Variants in OVCH1 observed in about 807,000 individuals in gnomAD.
The protein encoded by OVCH1 is ovochymase 1.
Under a neutral mutation model 138.4 loss-of-function variants are expected in OVCH1, and 139 were observed. The ratio of observed to expected loss-of-function variants is 1.00; its 90% CI spans 0.87 to 1.16. The LOEUF (loss-of-function observed/expected upper bound fraction) is 1.16, where lower values mean the gene tolerates loss of function less well. Ranked by LOEUF, OVCH1 falls within the 50% of genes most tolerant of loss-of-function variation. The probability of loss-of-function intolerance (pLI) is 0.00; values close to 1 mark genes in which losing one functional copy is unlikely to be tolerated. For missense variants in OVCH1, 1,367 were observed against 1,357.9 expected, an observed-to-expected ratio of 1.01 and a Z score of -0.11; for synonymous variants, 453 against 467.8, an observed-to-expected ratio of 0.97 and a Z score of 0.41.
chr12:29,495,230 A>G, intron 4 of OVCH1, 55 bp downstream of exon 4: 1 of 1,475,094 alleles, frequency 6.8e-7, no homozygotes, highest in African/African-American at 1.4e-5. Context: ...TAACTTGTAC[A>G]TAATTAGCAG....
intron 25 of OVCH1, among the ~76,000 whole-genome samples, chr12:29,441,681 G>C (rs1941488881): frequency 6.6e-6 from 1 of 152,218 alleles, no homozygotes; most frequent in African/African-American, 2.4e-5. Context: ...AGATTGAACA[G>C]GCAACCTACA....
chr12:29,436,760 C>T (rs536619468), intron 26 of OVCH1, among the ~76,000 whole-genome samples: 5 of 152,258 alleles, frequency 3.3e-5, no homozygotes, highest in African/African-American at 9.6e-5. Flanking sequence ...TTTGTTCCTC[C>T]GGGTGGGTTT....
chr12:29,479,827 T>TC (rs1283799033), intron 8 of OVCH1, among the ~76,000 whole-genome samples: 2 of 139,214 alleles, frequency 1.4e-5, no homozygotes, highest in Admixed American at 6.9e-5. Flanking sequence ...TTTTTTTCTT[T>TC]TTTTTTTTTT....
chr12:29,403,753 C>A, the OVCH1 span, among the ~76,000 whole-genome samples: 1 of 152,192 alleles, frequency 6.6e-6, no homozygotes, highest in Non-Finnish European at 1.5e-5. Context: ...TGGCAGGGAC[C>A]TTTCCTATCT....
chr12:29,413,733 T>C (rs1940994055), intron 3 of OVCH1, among the ~76,000 whole-genome samples: 1 of 152,130 alleles, frequency 6.6e-6, no homozygotes. Flanking sequence ...ATTTAGACGT[T>C]TACATACTTT....
rs1049631000 is a variant in OVCH1, at chr12:29,480,751, A to T, written c.996-1843T>A. On this transcript the variant is annotated intron_variant, in intron 8 of 27. Transcript: ENST00000318184. ...CCAGAATACAGAGAGGCTTGGAGGG[A>T]CTGTGTAACTCTCTCCTCCTTCTTT... is the stretch of plus-strand genomic sequence containing the variant. Among the ~76,000 whole-genome samples the T allele has an allele frequency of 2.0e-5, 3 of 151,984 alleles. No homozygotes were observed. The East Asian group carries it at 5.8e-4, about 29-fold the overall frequency.
intron 24 of OVCH1, 92 bp downstream of exon 24, chr12:29,444,053 G>T (rs915422006): frequency 4.7e-5 from 65 of 1,379,386 alleles, no homozygotes; most frequent in Non-Finnish European, 5.9e-5. Flanking sequence ...AAAAGGTGAA[G>T]AATAATGTTT....
At chr12:29,432,216 T>C (rs1281504290) in intron 27 of OVCH1, among the ~76,000 whole-genome samples, 2 of 152,182 alleles carry the variant, frequency 1.3e-5, no homozygotes, top group African/African-American at 2.4e-5. Flanking sequence ...ATGAATGAGT[T>C]AGGAAAACAT....
At chr12:29,442,447 G>C (rs892405541) in intron 25 of OVCH1, among the ~76,000 whole-genome samples, 2 of 124,406 alleles carry the variant, frequency 1.6e-5, no homozygotes, top group African/African-American at 6.1e-5. Flanking sequence ...ACAGGAAGGG[G>C]AACATCACAC....
intron 8 of OVCH1, among the ~76,000 whole-genome samples, chr12:29,479,309 T>G (rs1478127541): frequency 6.6e-6 from 1 of 152,200 alleles, no homozygotes; most frequent in East Asian, 1.9e-4. Context: ...AGAGGTTGAA[T>G]TATGGTTCTC....
chr12:29,468,157 G>A (rs895118785), intron 16 of OVCH1, among the ~76,000 whole-genome samples: 1 of 152,126 alleles, frequency 6.6e-6, no homozygotes, highest in African/African-American at 2.4e-5. Flanking sequence ...TTAAATATTA[G>A]TGGAAAATCA....
chr12:29,445,253 A>G (rs766596617), intron 23 of OVCH1, 25 bp downstream of exon 23: 8 of 1,586,312 alleles, frequency 5.0e-6, no homozygotes, highest in Non-Finnish European at 6.9e-6. Context: ...TAGCCTTTAC[A>G]AGTTTATAAA....
At chr12:29,445,748 C>T (rs1434506158) in intron 22 of OVCH1, among the ~76,000 whole-genome samples, 1 of 151,980 alleles carries the variant, frequency 6.6e-6, no homozygotes, top group East Asian at 1.9e-4. Context: ...AATACCTCAC[C>T]ATGAAGATCT....
In OVCH1 at chr12:29,446,678, ATG is replaced by A. The variant is rs1941624557; in HGVS notation, c.2756-1277_2756-1276del. 2.0e-5 allele frequency among the ~76,000 whole-genome samples: 3 copies of A among 152,228 alleles called. No individual in the cohort carries two copies. In the South Asian group the frequency reaches 6.2e-4, roughly 32 times the overall value. On this transcript the variant is annotated intron_variant, in intron 22 of 27. Coordinates refer to ENST00000318184, the Ensembl canonical transcript of OVCH1. ...TGATAAAGGCAAGTTTCCCCAGAAA[ATG>A]TGTCTCTCTGTATAATAATATAGTA... is the stretch of plus-strand genomic sequence containing the variant.
In OVCH1 at chr12:29,455,174, A is replaced by T. The variant is rs947000345; in HGVS notation, c.2437+75T>A. ...ATGGTTTTCTCTTTCATGCTAATTT[A>T]TACCACACTCACTGTTCCCAAACCC... On this transcript the variant is annotated intron_variant, in intron 20 of 27. Coordinates refer to ENST00000318184, the Ensembl canonical transcript of OVCH1. 10 of 1,488,464 alleles carry T rather than the reference A, an allele frequency of 6.7e-6. 1 individual carries two copies. In the South Asian group the frequency reaches 1.0e-4, roughly 15 times the overall value. The allele number at this position is 1,488,464 out of a possible 1,614,324, so 92.2% of individuals were successfully genotyped here.
At chr12:29,429,036 C>T (rs934826694) in intron 27 of OVCH1, among the ~76,000 whole-genome samples, 1 of 152,098 alleles carries the variant, frequency 6.6e-6, no homozygotes, top group African/African-American at 2.4e-5. Context: ...CCCAGCACCT[C>T]CAACCATTAA....
At chr12:29,488,301 G>A (rs1943171788) in intron 6 of OVCH1, among the ~76,000 whole-genome samples, 1 of 152,046 alleles carries the variant, frequency 6.6e-6, no homozygotes, top group Non-Finnish European at 1.5e-5. Flanking sequence ...CCTCAAGATA[G>A]TTCAAGGCCT....
Position 29,471,774 on chromosome 12 carries a change from A to G in OVCH1, c.1856+28T>C, listed in dbSNP as rs368513296. ...TTACTTACAAATGCATGTGCTAAATAGGTTGGTAAAATACCAGTTTCACTC... is the reference window on the plus strand; with the variant it reads ...TTACTTACAAATGCATGTGCTAAATGGGTTGGTAAAATACCAGTTTCACTC... On this transcript the variant is annotated intron_variant, in intron 16 of 27. Transcript: ENST00000318184. 10 of 1,583,544 alleles carry G rather than the reference A, an allele frequency of 6.3e-6. No individual in the cohort carries two copies. In the African/African-American group the frequency reaches 1.2e-4, roughly 19 times the overall value.
chr12:29,435,158 C>T (rs1053584374), intron 26 of OVCH1, among the ~76,000 whole-genome samples: 1 of 152,172 alleles, frequency 6.6e-6, no homozygotes, highest in Non-Finnish European at 1.5e-5. Context: ...CCACACAAGT[C>T]AAACCCATTA....
Sources: allele counts gnomAD v4.1 joint callset (sites outside exome capture counted in the v4.1 genomes callset), GRCh38; gene constraint gnomAD v4.1.1; transcripts MANE v1.5; gene names NCBI Gene and HGNC (gene_info 2026-07-23, HGNC 2026-07-21).